The following TMTC1 variants were observed in gnomAD, a reference collection of about 807,000 sequenced individuals.
The protein encoded by TMTC1 is protein O-mannosyl-transferase TMTC1.
A neutral mutation model predicts 104.8 loss-of-function variants in TMTC1; 73 were observed. That is an observed-to-expected ratio of 0.70 (90% confidence interval 0.58 to 0.85). The LOEUF is 0.85. Among genes scored for constraint, TMTC1 ranks in the 40% least tolerant of loss-of-function variants. TMTC1 has a pLI of 0.00. For missense variants in TMTC1, 1,035 were observed against 1,096.1 expected (o/e 0.94, Z 0.79); for synonymous variants, 434 against 428.7 (o/e 1.01, Z -0.15).
At chr12:29,701,933 G>A (rs139864390) in intron 5 of TMTC1, among the ~76,000 whole-genome samples, 3 of 152,218 alleles carry the variant, frequency 2.0e-5, no homozygotes, top group African/African-American at 7.2e-5. Context: ...TCTCTAACTT[G>A]GTTAAGCTAC....
chr12:29,677,905 T>C (rs1022783696), intron 5 of TMTC1, among the ~76,000 whole-genome samples: 2 of 152,266 alleles, frequency 1.3e-5, no homozygotes, highest in Non-Finnish European at 2.9e-5. Context: ...GTTAATCTCT[T>C]ACTGTACCTA....
chr12:29,605,123 G>T (rs159714), intron 6 of TMTC1, among the ~76,000 whole-genome samples: 1 of 151,804 alleles, frequency 6.6e-6, no homozygotes, highest in Admixed American at 6.6e-5. Flanking sequence ...AAAACTTAAT[G>T]TACTGGAGAA....
chr12:29,704,629 T>C (rs547773016), intron 5 of TMTC1, among the ~76,000 whole-genome samples: 1 of 152,340 alleles, frequency 6.6e-6, no homozygotes, highest in East Asian at 1.9e-4. Context: ...TGGACAATTT[T>C]TTTTGATATT....
intron 6 of TMTC1, among the ~76,000 whole-genome samples, chr12:29,604,692 T>C (rs1016639784): frequency 1.3e-5 from 2 of 152,242 alleles, no homozygotes; most frequent in African/African-American, 2.4e-5. Flanking sequence ...AGTAAGGCAC[T>C]GCAGAGAATT....
chr12:29,573,747 G>A (rs1485182046), intron 8 of TMTC1, among the ~76,000 whole-genome samples: 1 of 152,156 alleles, frequency 6.6e-6, no homozygotes, highest in Non-Finnish European at 1.5e-5. Flanking sequence ...GGGACTGGAA[G>A]AAATTCAGAG....
At chr12:29,562,019 G>A (rs1343423151) in intron 9 of TMTC1, among the ~76,000 whole-genome samples, 1 of 152,116 alleles carries the variant, frequency 6.6e-6, no homozygotes, top group Non-Finnish European at 1.5e-5. Context: ...TTCATTTCAG[G>A]AGGTGACAGC....
intron 5 of TMTC1, among the ~76,000 whole-genome samples, chr12:29,643,366 ACAATAGCACAATGCTAT>A: frequency 1.5e-5 from 2 of 137,786 alleles, no homozygotes; most frequent in Middle Eastern, 7.2e-3. Flanking sequence ...AGCACAATTC[ACAATAGCACAATGCTAT>A]GGTGAACCAA....
intron 5 of TMTC1, among the ~76,000 whole-genome samples, chr12:29,690,338 C>T (rs1239068511): frequency 6.6e-6 from 1 of 152,150 alleles, no homozygotes; most frequent in Non-Finnish European, 1.5e-5. Flanking sequence ...ACAGGCTAAA[C>T]CAAGCACTAG....
intron 2 of TMTC1, 121 bp downstream of exon 2, chr12:29,767,776 AC>A: frequency 3.4e-6 from 3 of 891,460 alleles, no homozygotes; most frequent in Non-Finnish European, 4.9e-6. Flanking sequence ...ATATCTATAT[AC>A]ACACACATAT....
chr12:29,620,774 G>C (rs1937632640), intron 6 of TMTC1, among the ~76,000 whole-genome samples: 1 of 152,204 alleles, frequency 6.6e-6, no homozygotes, highest in South Asian at 2.1e-4. Flanking sequence ...GGAAAACTGT[G>C]ACCCACATAG....
intron 15 of TMTC1, among the ~76,000 whole-genome samples, 171 bp downstream of exon 15, chr12:29,516,178 C>T (rs979423242): frequency 1.3e-5 from 2 of 152,054 alleles, no homozygotes; most frequent in Non-Finnish European, 2.9e-5. Flanking sequence ...TACAAGGGGA[C>T]ATCTTAGGTG....
At chr12:29,583,307 A>G in intron 8 of TMTC1, 100 bp downstream of exon 8, 1 of 1,076,210 alleles carries the variant, frequency 9.3e-7, no homozygotes, top group Non-Finnish European at 1.3e-6. Context: ...AATTTTCCTT[A>G]GTAAATACTG....
chr12:29,583,608 T>C (rs1754791037), intron 7 of TMTC1, 34 bp from the exon 8 acceptor site: 2 of 1,595,142 alleles, frequency 1.3e-6, no homozygotes, highest in Non-Finnish European at 8.6e-7. Flanking sequence ...GGGATTACTT[T>C]GGGGGTGCAA....
rs146957980 is a variant in TMTC1 at position 29,683,579 on chromosome 12, T to C, written c.939-50243A>G. ...CGCAGTCAATTGTGTGTAACATAAA[T>C]AAACACTAAATCATGGTCTCTCTTG... On this transcript the variant is annotated intron_variant, in intron 5 of 17. Coordinates refer to ENST00000539277, the MANE Select transcript of TMTC1 (RefSeq NM_001193451.2). Among the ~76,000 whole-genome samples the C allele has an allele frequency of 1.4e-4, 22 of 152,312 alleles. 2 individuals carry two copies. The highest frequency in any genetic ancestry group is 6.2e-4 in the South Asian group (3 of 4,824).
chr12:29,688,163 T>C (rs12226911), intron 5 of TMTC1, among the ~76,000 whole-genome samples: 28,306 of 152,156 alleles, frequency 0.19, 2,947 homozygotes, highest in Admixed American at 0.3. Flanking sequence ...CTGGTCATTG[T>C]GATGTGCTCA....
chr12:29,730,766 C>T (rs1942525642), intron 5 of TMTC1, among the ~76,000 whole-genome samples: 1 of 152,156 alleles, frequency 6.6e-6, no homozygotes, highest in Non-Finnish European at 1.5e-5. Context: ...CTTCCAAAGT[C>T]TTCACTCTCA....
intron 10 of TMTC1, among the ~76,000 whole-genome samples, chr12:29,552,106 G>T (rs1037222472): frequency 6.6e-6 from 1 of 151,996 alleles, no homozygotes. Flanking sequence ...AGAGCTTCTG[G>T]CCTGGACAAA....
In TMTC1 at chr12:29,633,311, C is replaced by T. The variant is rs1401552215; in HGVS notation, c.964G>A (p.Ala322Thr). 1.2e-6 allele frequency: 2 copies of T among 1,612,060 alleles called. No homozygotes were observed. The highest frequency in any genetic ancestry group is 1.7e-6 in the Non-Finnish European group (2 of 1,178,944). The change falls in exon 6 of 18, where the codon GCC (alanine) becomes ACC (threonine). Residue 322 changes from alanine (A) to threonine (T), a missense_variant. Ala to Thr is a moderately conservative substitution (Grantham distance 58, BLOSUM62 0). Coordinates refer to ENST00000539277, the MANE Select transcript of TMTC1 (RefSeq NM_001193451.2). ...GCAAGCAGAAGCCACACATTGAAGG[C>T]CAAGAGGTAGGAATAGGTGAGGAAT... is the stretch of plus-strand genomic sequence containing the variant. The part of the protein sequence containing the change: ...MRFLTYSYLL[A>T]FNVWLLLAPV...
intron 5 of TMTC1, among the ~76,000 whole-genome samples, chr12:29,635,290 C>T (rs1462026267): frequency 6.6e-6 from 1 of 152,094 alleles, no homozygotes; most frequent in East Asian, 1.9e-4. Context: ...TCATTTTGGG[C>T]TCCTTTTTTC....
Sources: gnomAD v4.1 joint callset for allele counts (sites outside exome capture counted in the v4.1 genomes callset) on GRCh38, gnomAD v4.1.1 for gene constraint, MANE v1.5 for transcripts, NCBI Gene and HGNC (gene_info 2026-07-23, HGNC 2026-07-21) for gene names.